Variants in GBF1 observed in about 807,000 individuals in gnomAD.
GBF1 encodes the protein Golgi-specific brefeldin A-resistance guanine nucleotide exchange factor 1.
A neutral mutation model predicts 210.5 loss-of-function variants in GBF1; 114 were observed. The ratio of observed to expected loss-of-function variants is 0.54; its 90% CI spans 0.47 to 0.63. The LOEUF (loss-of-function observed/expected upper bound fraction) is 0.63, where lower values mean the gene tolerates loss of function less well. Ranked by LOEUF, GBF1 falls within the 30% of genes least tolerant of loss-of-function variation. The pLI is 0.00. For synonymous variants in GBF1, 850 were observed against 889.2 expected, an observed-to-expected ratio of 0.96 and a Z score of 0.78; for missense variants, 1,851 against 2,357.7, an observed-to-expected ratio of 0.79 and a Z score of 4.45.
intron 3 of GBF1, among the ~76,000 whole-genome samples, chr10:102,274,552 C>T (rs2074743349): frequency 6.6e-6 from 1 of 151,968 alleles, no homozygotes; most frequent in African/African-American, 2.4e-5. Flanking sequence ...ACAGACGGAC[C>T]ACAACTGACC....
Position 102,351,948 on chromosome 10 carries a change from A to C in GBF1, c.520A>C (p.Ser174Arg). Residue 174 changes from serine (S) to arginine (R), a missense_variant, in exon 6 of 40, where the codon AGT (serine) becomes CGT (arginine). Transcript: ENST00000369983. ...CFRICFEMRL[S>R]ELLRKSAEHT... ...CCGGATCTGCTTTGAAATGAGGCTC[A>C]GTGGTAGGTGCTTGGATATTAGCCC... The C allele has an allele frequency of 6.5e-7, 1 of 1,538,034 alleles. No homozygotes were observed. Among genetic ancestry groups the C allele is most frequent in the Non-Finnish European group, 9.0e-7 (1 of 1,110,484 alleles).
chr10:102,367,496 A>C lies in GBF1; in HGVS notation c.2578A>C (p.Lys860Gln), dbSNP rs2059978763. The C allele has an allele frequency of 6.2e-7, 1 of 1,610,178 alleles. No individual in the cohort carries two copies. Among genetic ancestry groups the C allele is most frequent in the Non-Finnish European group, 8.5e-7 (1 of 1,176,382 alleles). Reference protein sequence around the residue: ...MTLEEFRKNLKGVNGGKDFEQ... With the variant: ...MTLEEFRKNLQGVNGGKDFEQ... Reference sequence around the variant, plus strand: ...TCTCTAGGAGTTTCGCAAAAATCTGAAAGGTGTGAATGGAGGCAAGGACTT... The same window carrying C: ...TCTCTAGGAGTTTCGCAAAAATCTGCAAGGTGTGAATGGAGGCAAGGACTT... The change falls in exon 21 of 40, where the codon AAA becomes CAA. Residue 860 changes from lysine to glutamine, a missense_variant. By Grantham distance (53) the Lys-to-Gln change is moderately conservative. This residue lies in a region of GBF1 where 80 missense variants were observed against 151.4 expected (regional missense o/e 0.53). Transcript: ENST00000369983.
At chr10:102,351,616 G>A (rs921708083) in intron 5 of GBF1, among the ~76,000 whole-genome samples, 8 of 152,198 alleles carry the variant, frequency 5.3e-5, no homozygotes, top group African/African-American at 1.9e-4. Flanking sequence ...ACCTCTGGCC[G>A]ACTGTATTTG....
At chr10:102,292,159 G>T (rs574673506) in intron 3 of GBF1, among the ~76,000 whole-genome samples, 2 of 152,056 alleles carry the variant, frequency 1.3e-5, no homozygotes, top group Non-Finnish European at 2.9e-5. Context: ...AAAGTGCTGG[G>T]ATTACAGGCA....
intron 3 of GBF1, among the ~76,000 whole-genome samples, chr10:102,338,355 C>T (rs1219155459): frequency 1.3e-5 from 2 of 151,170 alleles, no homozygotes; most frequent in Non-Finnish European, 2.9e-5. Flanking sequence ...ATTCTCATGC[C>T]TCAGCCTCCA....
chr10:102,314,481 A>G (rs749798994), intron 3 of GBF1, among the ~76,000 whole-genome samples: 10 of 151,970 alleles, frequency 6.6e-5, no homozygotes, highest in Non-Finnish European at 1.3e-4. Context: ...TTCCTCCTAT[A>G]CTTTCTTCCT....
chr10:102,355,865 G>T (rs564431397), intron 8 of GBF1, among the ~76,000 whole-genome samples: 67 of 152,322 alleles, frequency 4.4e-4, no homozygotes, highest in Middle Eastern at 3.4e-3. Flanking sequence ...CCTTTTGCAT[G>T]TTTGGCGGAC....
chr10:102,237,718 G>A, the GBF1 span, among the ~76,000 whole-genome samples: 5 of 151,974 alleles, frequency 3.3e-5, no homozygotes, highest in East Asian at 7.7e-4. Context: ...CAAATTTTTC[G>A]TTCTATTCCA....
intron 3 of GBF1, among the ~76,000 whole-genome samples, chr10:102,312,216 C>G (rs72845660): frequency 0.21 from 31,355 of 151,600 alleles, 3,483 homozygotes; most frequent in South Asian, 0.32. Context: ...TGGCTTGAAC[C>G]TCGGGGGTGG....
In GBF1 at chr10:102,366,273, C is replaced by A; in HGVS notation, c.2310-110C>A. On this transcript the variant is annotated intron_variant, in intron 18 of 39. Coordinates refer to ENST00000369983, the MANE Select transcript of GBF1 (RefSeq NM_001377137.1). The surrounding 1 kb of genome is among the most constrained non-coding windows in gnomAD (Gnocchi z 4.0). ...GGAGATACTGCCCCTTTACTAGAGA[C>A]CTCAGCCTCCTCTCTTCCAGTAAGA... 8.8e-7 allele frequency: 1 copy of A among 1,137,396 alleles called. No individual in the cohort carries two copies. Among genetic ancestry groups the A allele is most frequent in the Admixed American group, 1.9e-5 (1 of 52,756 alleles). 70.5% of individuals were successfully genotyped at this position (1,137,396 alleles called of 1,614,324 possible). A position where few individuals can be genotyped will look rare whatever the true frequency, so the allele number is the denominator to read the frequency against.
the GBF1 span, among the ~76,000 whole-genome samples, chr10:102,235,936 G>A: frequency 6.6e-6 from 1 of 152,216 alleles, no homozygotes; most frequent in Admixed American, 6.5e-5. Context: ...TGGGGACAAG[G>A]GACTGGTAGA....
chr10:102,291,096 T>G (rs2076394341), intron 3 of GBF1, among the ~76,000 whole-genome samples: 1 of 152,230 alleles, frequency 6.6e-6, no homozygotes, highest in Non-Finnish European at 1.5e-5. Flanking sequence ...TATCAGGTTC[T>G]TTCATAGCTG....
At chr10:102,370,006 G>A in intron 26 of GBF1, 22 bp downstream of exon 26, 1 of 1,613,806 alleles carries the variant, frequency 6.2e-7, no homozygotes, top group East Asian at 2.2e-5. Flanking sequence ...TCCACCCCTG[G>A]TGAGAAAGCC....
intron 38 of GBF1, 122 bp from the exon 39 acceptor site, chr10:102,381,005 A>T: frequency 2.2e-6 from 2 of 927,004 alleles, no homozygotes; most frequent in Non-Finnish European, 3.3e-6. Context: ...AAAAAAAAAA[A>T]GTCCCCAAAG....
At chr10:102,337,499 T>G (rs1265455577) in intron 3 of GBF1, among the ~76,000 whole-genome samples, 1 of 152,114 alleles carries the variant, frequency 6.6e-6, no homozygotes, top group African/African-American at 2.4e-5. Flanking sequence ...GATTATAAAT[T>G]CAAATTTGTT....
chr10:102,260,487 T>TTTTTTTTTTG (rs2073070132), intron 3 of GBF1, among the ~76,000 whole-genome samples: 1 of 132,174 alleles, frequency 7.6e-6, no homozygotes, highest in Non-Finnish European at 1.6e-5. Context: ...TTTTTTTTTT[T>TTTTTTTTTTG]TTTTTTTTTT....
chr10:102,254,867 C>T (rs921257984), intron 1 of GBF1, among the ~76,000 whole-genome samples: 4 of 152,072 alleles, frequency 2.6e-5, no homozygotes, highest in African/African-American at 4.8e-5. Flanking sequence ...GACCTTGTGA[C>T]AAGGGATTTC....
intron 33 of GBF1, among the ~76,000 whole-genome samples, chr10:102,378,725 G>A (rs2060660276): frequency 6.6e-6 from 1 of 152,160 alleles, no homozygotes; most frequent in African/African-American, 2.4e-5. Context: ...CTTGGGCCCA[G>A]GAGCTCAAGA....
chr10:102,343,644 C>A (rs1045362088), intron 3 of GBF1, among the ~76,000 whole-genome samples: 5 of 151,832 alleles, frequency 3.3e-5, no homozygotes, highest in Admixed American at 2.6e-4. Flanking sequence ...CATGGTGTAA[C>A]CCCATCTCTA....
Sources: gnomAD v4.1 joint callset for allele counts (sites outside exome capture counted in the v4.1 genomes callset) on GRCh38, gnomAD v4.1.1 for gene constraint, gnomAD v4.1.1 regional missense constraint, Gnocchi (gnomAD v3.1) non-coding constraint, MANE v1.5 for transcripts, NCBI Gene and HGNC (gene_info 2026-07-23, HGNC 2026-07-21) for gene names.